DKK2: variants seen among roughly 807,000 people sequenced by gnomAD.
DKK2 encodes dickkopf Wnt signaling pathway inhibitor 2, also known as dickkopf-related protein 2.
A neutral mutation model predicts 28.1 loss-of-function variants in DKK2; 11 were observed. The ratio of observed to expected loss-of-function variants is 0.39; its 90% CI spans 0.25 to 0.65. The LOEUF (loss-of-function observed/expected upper bound fraction) is 0.65. Among genes scored for constraint, DKK2 ranks in the 30% least tolerant of loss-of-function variants. The pLI is 0.47. For synonymous variants in DKK2, 135 were observed against 126.5 expected, an observed-to-expected ratio of 1.07 and a Z score of -0.45; for missense variants, 326 against 335.5, an observed-to-expected ratio of 0.97 and a Z score of 0.22.
chr4:106,952,844 G>A (rs1170788942), intron 1 of DKK2, among the ~76,000 whole-genome samples: 1 of 152,058 alleles, frequency 6.6e-6, no homozygotes, highest in African/African-American at 2.4e-5. Flanking sequence ...AATCAGGTTT[G>A]GTTCACATGG....
chr4:107,018,015 G>A (rs576133783), intron 1 of DKK2, among the ~76,000 whole-genome samples: 1 of 152,134 alleles, frequency 6.6e-6, no homozygotes, highest in East Asian at 1.9e-4. Context: ...AATTCTGAGA[G>A]GTGAAGGGAG....
At chr4:106,957,697 G>T (rs1378410954) in intron 1 of DKK2, among the ~76,000 whole-genome samples, 1 of 131,488 alleles carries the variant, frequency 7.6e-6, no homozygotes, top group Non-Finnish European at 1.5e-5. Flanking sequence ...GATGGGAATT[G>T]AACAATGAGA....
chr4:107,025,074 A>G (rs866075683), intron 1 of DKK2, among the ~76,000 whole-genome samples: 1 of 152,186 alleles, frequency 6.6e-6, no homozygotes, highest in Non-Finnish European at 1.5e-5. Flanking sequence ...CCAGGCAAAG[A>G]GGTCCATCCC....
intron 1 of DKK2, among the ~76,000 whole-genome samples, chr4:106,997,681 G>A (rs550072196): frequency 7.0e-4 from 106 of 152,296 alleles, no homozygotes; most frequent in Admixed American, 2.8e-3. Context: ...GACAAAGGTC[G>A]TGGCGACTTA....
At chr4:106,957,589 T>C (rs980953349) in intron 1 of DKK2, among the ~76,000 whole-genome samples, 4 of 151,742 alleles carry the variant, frequency 2.6e-5, no homozygotes, top group Non-Finnish European at 4.4e-5. Context: ...AATGATGAGT[T>C]CATGTCCTTT....
intron 1 of DKK2, among the ~76,000 whole-genome samples, chr4:106,983,428 T>C (rs2110359112): frequency 6.6e-6 from 1 of 151,948 alleles, no homozygotes; most frequent in Non-Finnish European, 1.5e-5. Flanking sequence ...CCTCATATCT[T>C]ACACAAGAAT....
At chr4:106,955,488 A>G (rs535871723) in intron 1 of DKK2, among the ~76,000 whole-genome samples, 3 of 152,292 alleles carry the variant, frequency 2.0e-5, no homozygotes, top group East Asian at 1.9e-4. Flanking sequence ...CTTTCCCCCT[A>G]TGGAATTACA....
At chr4:106,927,318 CATT>C (rs1464484325) in intron 1 of DKK2, among the ~76,000 whole-genome samples, 1 of 152,122 alleles carries the variant, frequency 6.6e-6, no homozygotes, top group Non-Finnish European at 1.5e-5. Flanking sequence ...TATGTCTACA[CATT>C]GAGCCCTCAC....
chr4:106,984,370 C>G (rs1723086445), intron 1 of DKK2, among the ~76,000 whole-genome samples: 1 of 152,122 alleles, frequency 6.6e-6, no homozygotes, highest in South Asian at 2.1e-4. Flanking sequence ...CCCTCAGCCC[C>G]TGGTGACTTC....
intron 1 of DKK2, among the ~76,000 whole-genome samples, chr4:106,996,906 C>T (rs977137638): frequency 6.6e-6 from 1 of 152,064 alleles, no homozygotes; most frequent in African/African-American, 2.4e-5. Flanking sequence ...ATCAACAAGC[C>T]TCAGTGACAT....
intron 1 of DKK2, among the ~76,000 whole-genome samples, chr4:106,984,431 AATC>A (rs1479034294): frequency 6.6e-6 from 1 of 152,188 alleles, no homozygotes; most frequent in Non-Finnish European, 1.5e-5. Flanking sequence ...TTATGAGTGG[AATC>A]ATGCAACATG....
intron 1 of DKK2, among the ~76,000 whole-genome samples, chr4:106,960,459 CTT>C (rs142094212): frequency 2.2e-3 from 338 of 152,110 alleles, no homozygotes; most frequent in Admixed American, 4.1e-3. Context: ...GAAAAACTAA[CTT>C]TTGGGAACAA....
Position 106,924,042 on chromosome 4 carries a change from C to G in DKK2, c.692G>C (p.Cys231Ser), listed in dbSNP as rs1178582216. 1 of 1,613,964 alleles carries G rather than the reference C, an allele frequency of 6.2e-7. No individual in the cohort carries two copies. The highest frequency in any genetic ancestry group is 1.7e-5 in the Admixed American group (1 of 60,006). ...GCAAGACAGGCCCTTCGCACAGTCGCAACGCTGGAAAATTTCCAGCCCATG... is the reference window on the plus strand; with the variant it reads ...GCAAGACAGGCCCTTCGCACAGTCGGAACGCTGGAAAATTTCCAGCCCATG... ...GSHGLEIFQR[C>S]DCAKGLSCKV... The change falls in exon 4 of 4, where the codon TGC (cysteine) becomes TCC (serine). Residue 231 changes from cysteine (C) to serine (S), a missense_variant. Transcript: ENST00000285311.
At chr4:107,020,236 C>T (rs1471631378) in intron 1 of DKK2, among the ~76,000 whole-genome samples, 1 of 151,982 alleles carries the variant, frequency 6.6e-6, no homozygotes, top group Non-Finnish European at 1.5e-5. Context: ...TGAGTATTGG[C>T]CACTTATGCT....
rs71590176 is a variant in DKK2, at chr4:107,027,756, A to ATTTTTTTTTTTTTTTTTTTTTTTTTTT, written c.222+7613_222+7614insAAAAAAAAAAAAAAAAAAAAAAAAAAA. ...TTGCTTATGACCTCCACCTATTATG[A>ATTTTTTTTTTTTTTTTTTTTTTTTTTT]TTTTTTTTTTTTTGAGACAGAGTCT... On this transcript the variant is annotated intron_variant, in intron 1 of 3. Transcript: ENST00000285311. Among the ~76,000 whole-genome samples, 25 of 135,322 alleles carry ATTTTTTTTTTTTTTTTTTTTTTTTTTT rather than the reference A, an allele frequency of 1.8e-4. 1 individual carries two copies. The highest frequency in any genetic ancestry group is 6.6e-4 in the African/African-American group (24 of 36,358). 88.8% of individuals were successfully genotyped at this position (135,322 alleles called of 152,430 possible).
At chr4:106,963,982 C>G (rs1722730496) in intron 1 of DKK2, among the ~76,000 whole-genome samples, 1 of 152,078 alleles carries the variant, frequency 6.6e-6, no homozygotes, top group African/African-American at 2.4e-5. Context: ...ATTGTAAATG[C>G]CTGGATTTAT....
rs1326090596 is a variant in DKK2, at chr4:106,964,941, T to TTAGATATAGATAGA, written c.223-39006_223-38993dup. The stretch of plus-strand genomic sequence containing the variant: ...GAGAGAGAGAGAGAGAGATGATAGA[T>TTAGATATAGATAGA]TAGATATAGATAGATAGATATAGAT... On this transcript the variant is annotated intron_variant, in intron 1 of 3. Transcript: ENST00000285311. 6.3e-3 allele frequency among the ~76,000 whole-genome samples: 933 copies of TTAGATATAGATAGA among 147,134 alleles called. 7 individuals carry two copies. Among genetic ancestry groups the TTAGATATAGATAGA allele is most frequent in the Non-Finnish European group, 0.011 (720 of 66,376 alleles).
At chr4:106,949,367 A>T (rs906819509) in intron 1 of DKK2, among the ~76,000 whole-genome samples, 1 of 152,110 alleles carries the variant, frequency 6.6e-6, no homozygotes, top group Non-Finnish European at 1.5e-5. Flanking sequence ...AGGTGACTTG[A>T]ATTACTCACA....
chr4:106,924,045 C>T lies in DKK2; in HGVS notation c.689G>A (p.Arg230His), dbSNP rs539488952. The T allele has an allele frequency of 6.2e-7, 1 of 1,613,958 alleles. No individual in the cohort carries two copies. The highest frequency in any genetic ancestry group is 2.2e-5 in the East Asian group (1 of 44,864). ...AGACAGGCCCTTCGCACAGTCGCAA[C>T]GCTGGAAAATTTCCAGCCCATGAGA... ...KGSHGLEIFQ[R>H]CDCAKGLSCK... Residue 230 changes from arginine to histidine, a missense_variant, in exon 4 of 4, where the codon CGT becomes CAT. Transcript: ENST00000285311.
Sources: gnomAD v4.1 joint callset for allele counts (sites outside exome capture counted in the v4.1 genomes callset) on GRCh38, gnomAD v4.1.1 for gene constraint, MANE v1.5 for transcripts, NCBI Gene and HGNC (gene_info 2026-07-23, HGNC 2026-07-21) for gene names.